PYROXD1: variants seen among roughly 807,000 people sequenced by gnomAD.
PYROXD1 encodes the protein pyridine nucleotide-disulphide oxidoreductase domain 1.
PYROXD1 carries 42 observed loss-of-function variants against 62.0 expected under a neutral mutation model. The ratio of observed to expected loss-of-function variants is 0.68; its 90% confidence interval spans 0.53 to 0.88. The LOEUF is 0.88. Ranked by LOEUF, PYROXD1 falls within the 40% of genes least tolerant of loss-of-function variation. The pLI, the probability that PYROXD1 is intolerant of heterozygous loss-of-function variation, is 0.00. For missense variants in PYROXD1, 493 were observed against 604.8 expected, an observed-to-expected ratio of 0.82 and a Z score of 1.94; for synonymous variants, 170 against 206.4, an observed-to-expected ratio of 0.82 and a Z score of 1.51.
chr12:21,443,240 C>T (rs1045087220), intron 2 of PYROXD1, among the ~76,000 whole-genome samples: 1 of 152,094 alleles, frequency 6.6e-6, no homozygotes, highest in Non-Finnish European at 1.5e-5. Context: ...ATTTTCCTTC[C>T]ACTTAGAATT....
chr12:21,441,320 G>A (rs1424349365), intron 2 of PYROXD1: 2 of 152,302 alleles, frequency 1.3e-5, no homozygotes, highest in South Asian at 2.1e-4. Flanking sequence ...ACCGCGCCCA[G>A]CCTGGAAAGT....
chr12:21,445,421 T>C lies in PYROXD1; in HGVS notation c.240T>C (p.Ile80=), dbSNP rs200082072. Residue 80 remains isoleucine (I), a synonymous_variant, in exon 3 of 12, where the codon ATT becomes ATC. Transcript: ENST00000240651. ...TGTTAGGAAAACGCTTTCCCAACAT[T>C]AAGGTTATAGAATCTGGCGTAAAGC... ...STMLGKRFPN[I]KVIESGVKQL... is the part of the protein sequence containing the mutation. The C allele has an allele frequency of 5.8e-5, 93 of 1,608,604 alleles. No homozygotes were observed. In the East Asian group the frequency reaches 1.9e-3, roughly 32 times the overall value.
intron 6 of PYROXD1, 34 bp downstream of exon 6, chr12:21,455,326 C>A: frequency 2.2e-6 from 3 of 1,348,268 alleles, no homozygotes; most frequent in Admixed American, 2.8e-5. Context: ...AATTCTCATA[C>A]AAAACTTTTT....
intron 2 of PYROXD1, among the ~76,000 whole-genome samples, chr12:21,443,480 G>A (rs566173469): frequency 9.0e-4 from 137 of 152,216 alleles, no homozygotes; most frequent in South Asian, 3.5e-3. Context: ...TCTAAGAACA[G>A]TTGGGTAATA....
intron 8 of PYROXD1, among the ~76,000 whole-genome samples, 181 bp from the exon 9 acceptor site, chr12:21,461,827 A>G (rs111850413): frequency 9.2e-5 from 14 of 152,356 alleles, no homozygotes; most frequent in African/African-American, 3.4e-4. Context: ...AGATGATGCT[A>G]ATTGCATTAA....
intron 11 of PYROXD1, 90 bp downstream of exon 11, chr12:21,467,708 T>A: frequency 9.9e-7 from 1 of 1,011,884 alleles, no homozygotes; most frequent in Non-Finnish European, 1.5e-6. Context: ...AATAAAAACG[T>A]ACATAGTTTT....
chr12:21,441,339 G>T (rs1942290467), intron 2 of PYROXD1: 1 of 152,090 alleles, frequency 6.6e-6, no homozygotes, highest in Non-Finnish European at 1.5e-5. Context: ...GTTTTCTGTT[G>T]TTATTTCTTT....
chr12:21,446,240 G>A (rs1360127196), intron 3 of PYROXD1, among the ~76,000 whole-genome samples: 1 of 152,046 alleles, frequency 6.6e-6, no homozygotes, highest in Non-Finnish European at 1.5e-5. Flanking sequence ...TGGCTAACAT[G>A]GTGAAACCCT....
In PYROXD1 at chr12:21,462,048, A is replaced by G. The variant is rs2137281830; in HGVS notation, c.921A>G (p.Ile307Met). 2.5e-6 allele frequency: 4 copies of G among 1,612,638 alleles called. No individual in the cohort carries two copies. The highest frequency in any genetic ancestry group is 3.8e-4 in the Middle Eastern group (2 of 5,332). The change falls in exon 9 of 12, where the codon ATA (isoleucine) becomes ATG (methionine). Residue 307 changes from isoleucine (I) to methionine (M), a missense_variant. Physicochemically the swap from Ile to Met is conservative, Grantham distance 10. Around this residue, in one of 2 missense-constraint regions of PYROXD1, gnomAD observed 329 missense variants for 446.6 expected, o/e 0.74. Transcript: ENST00000240651. ...PVYVELTNEK[I>M]YGCDFIVSAT... ...ATGTGGAATTGACCAATGAAAAGAT[A>G]TATGGCTGCGATTTCATTGTCAGTG... is the stretch of plus-strand genomic sequence containing the variant.
chr12:21,465,860 G>C (rs1199947340), intron 10 of PYROXD1, among the ~76,000 whole-genome samples: 2 of 152,094 alleles, frequency 1.3e-5, no homozygotes, highest in Non-Finnish European at 2.9e-5. Context: ...GTAAGGAAGG[G>C]ATCCCGTTTC....
At chr12:21,442,908 T>A (rs1432191368) in intron 2 of PYROXD1, among the ~76,000 whole-genome samples, 1 of 152,212 alleles carries the variant, frequency 6.6e-6, no homozygotes, top group African/African-American at 2.4e-5. Context: ...TATTGATTCT[T>A]TTATGTGGTT....
intron 10 of PYROXD1, among the ~76,000 whole-genome samples, chr12:21,465,384 T>C (rs1247733117): frequency 6.6e-6 from 1 of 152,234 alleles, no homozygotes; most frequent in East Asian, 1.9e-4. Flanking sequence ...AGATGGTATC[T>C]CACTGTGGTT....
rs1942274727 is a variant in PYROXD1, at chr12:21,440,530, T to A, written c.165+82T>A. 5.2e-6 allele frequency: 4 copies of A among 763,438 alleles called. No homozygotes were observed. In the Admixed American group the frequency reaches 1.0e-4, roughly 20 times the overall value. The allele number at this position is 763,438 out of a possible 1,614,324, so 47.3% of individuals were successfully genotyped here. A position where few individuals can be genotyped will look rare whatever the true frequency, so the allele number is the denominator to read the frequency against. On this transcript the variant is annotated intron_variant, in intron 2 of 11. Transcript: ENST00000240651. ...ATAGCAGTTAGGGTAATTGTGTATT[T>A]TTTTCTTTCTTAAAAATTGACAAGT...
intron 2 of PYROXD1, among the ~76,000 whole-genome samples, chr12:21,444,969 A>G (rs1358974881): frequency 1.3e-5 from 2 of 152,248 alleles, no homozygotes; most frequent in Admixed American, 6.5e-5. Context: ...AGAACAGGAA[A>G]GAAGAGTGCA....
intron 1 of PYROXD1, among the ~76,000 whole-genome samples, chr12:21,438,788 C>A (rs999799240): frequency 6.6e-6 from 1 of 152,108 alleles, no homozygotes; most frequent in African/African-American, 2.4e-5. Flanking sequence ...GTGTTTCCAT[C>A]GTTGGATGCG....
chr12:21,442,764 CA>C (rs1942319520), intron 2 of PYROXD1, among the ~76,000 whole-genome samples: 1 of 152,230 alleles, frequency 6.6e-6, no homozygotes, highest in Non-Finnish European at 1.5e-5. Context: ...CTCACAGTAG[CA>C]AGGGATGCCA....
rs34595378 is a variant in PYROXD1 at position 21,462,983 on chromosome 12, C to CAG, written c.1116+122_1116+123dup. The CAG allele has an allele frequency of 0.48, 400,368 of 835,206 alleles. 99,341 individuals carry two copies. The highest frequency in any genetic ancestry group is 0.56 in the Middle Eastern group (2,385 of 4,264). The allele number at this position is 835,206 out of a possible 1,614,324, so 51.7% of individuals were successfully genotyped here. On this transcript the variant is annotated intron_variant, in intron 10 of 11. Coordinates refer to ENST00000240651, the MANE Select transcript of PYROXD1 (RefSeq NM_024854.5). The stretch of plus-strand genomic sequence containing the variant: ...TTTCTGCTTAAGTAGGAAGCTAGCA[C>CAG]AGTTGTTATATATATTTAAAAAAAA...
Position 21,468,739 on chromosome 12 carries a change from A to G in PYROXD1, c.1488A>G (p.Glu496=). ...EDLLDPNIDI[E]DYFD is the part of the protein sequence containing the mutation. ...TGCTAGATCCAAATATTGATATAGAAGATTATTTTGACTAAAAATGGAATT... is the reference window on the plus strand; with the variant it reads ...TGCTAGATCCAAATATTGATATAGAGGATTATTTTGACTAAAAATGGAATT... The change falls in exon 12 of 12, where the codon GAA becomes GAG. Residue 496 remains glutamate (E), a synonymous_variant. Coordinates refer to ENST00000240651, the MANE Select transcript of PYROXD1 (RefSeq NM_024854.5). The G allele has an allele frequency of 1.2e-6, 2 of 1,604,758 alleles. No homozygotes were observed. The highest frequency in any genetic ancestry group is 1.7e-6 in the Non-Finnish European group (2 of 1,174,050).
Position 21,470,460 on chromosome 12 carries a change from G to C in PYROXD1, c.*1706G>C. ...CTTTCTGTATCAGTTGGCTTTTTAA[G>C]TATACAGGGGTCTAGTTTTTTATCT... On this transcript the variant is annotated 3_prime_UTR_variant, in exon 12 of 12. Transcript: ENST00000240651. The C allele has an allele frequency of 9.2e-7, 1 of 1,092,154 alleles. No homozygotes were observed. The highest frequency in any genetic ancestry group is 1.3e-6 in the Non-Finnish European group (1 of 794,652). 67.7% of individuals were successfully genotyped at this position (1,092,154 alleles called of 1,614,324 possible).
Sources: allele counts gnomAD v4.1 joint callset (sites outside exome capture counted in the v4.1 genomes callset), GRCh38; gene constraint gnomAD v4.1.1; regional missense constraint gnomAD v4.1.1; transcripts MANE v1.5; gene names NCBI Gene and HGNC (gene_info 2026-07-23, HGNC 2026-07-21).